Variants in KLHL3 observed in about 807,000 individuals in gnomAD.
The protein encoded by KLHL3 is kelch-like protein 3.
KLHL3 carries 19 observed loss-of-function variants against 70.5 expected under a neutral mutation model. That is an observed-to-expected ratio of 0.27 (90% confidence interval 0.19 to 0.40). KLHL3 has a LOEUF of 0.40. Ranked by LOEUF, KLHL3 falls within the 10% of genes least tolerant of loss-of-function variation. The pLI is 1.00. For synonymous variants in KLHL3, 258 were observed against 290.3 expected (o/e 0.89, Z 1.13); for missense variants, 512 against 771.1 (o/e 0.66, Z 3.98).
intron 11 of KLHL3, 77 bp from the exon 12 acceptor site, chr5:137,634,242 C>CA: frequency 6.7e-7 from 1 of 1,484,392 alleles, no homozygotes; most frequent in Non-Finnish European, 9.0e-7. Context: ...ACCCTATCTG[C>CA]AACCAACTGG....
Position 137,639,088 on chromosome 5 carries a change from G to C in KLHL3, c.1084C>G (p.Arg362Gly). Residue 362 changes from arginine (R) to glycine (G), a missense_variant, in exon 10 of 15, where the codon CGG becomes GGG. Arg to Gly is a moderately radical substitution (Grantham distance 125). Transcript: ENST00000309755. The surrounding 1 kb of genome is among the most constrained non-coding windows in gnomAD (Gnocchi z 5.0). ...VGGFNGSLRVRTVDVYDGVKD... is the reference protein window; with the variant it reads ...VGGFNGSLRVGTVDVYDGVKD... Reference sequence around the variant, plus strand: ...ACGCCGTCATACACATCCACTGTCCGCACCCGCAGTGAGCCATTAAACCCT... The same window carrying C: ...ACGCCGTCATACACATCCACTGTCCCCACCCGCAGTGAGCCATTAAACCCT... 1.2e-6 allele frequency: 2 copies of C among 1,614,046 alleles called. No individual in the cohort carries two copies. The highest frequency in any genetic ancestry group is 1.7e-6 in the Non-Finnish European group (2 of 1,179,988).
At chr5:137,636,003 T>C (rs536282554) in intron 11 of KLHL3, among the ~76,000 whole-genome samples, 1 of 152,310 alleles carries the variant, frequency 6.6e-6, no homozygotes, top group South Asian at 2.1e-4. Context: ...CTCTATTGTT[T>C]GATATTCCTG....
At chr5:137,727,151 A>G (rs1271356768) in intron 1 of KLHL3, among the ~76,000 whole-genome samples, 3 of 151,988 alleles carry the variant, frequency 2.0e-5, no homozygotes, top group Non-Finnish European at 4.4e-5. Context: ...TGTATTCTCT[A>G]TCTCAGAGGC....
Position 137,709,841 on chromosome 5 carries a change from A to G in KLHL3, c.150T>C (p.Cys50=). Residue 50 remains cysteine (C), a synonymous_variant, in exon 3 of 15, where the codon TGT becomes TGC. Coordinates refer to ENST00000309755, the MANE Select transcript of KLHL3 (RefSeq NM_017415.3). ...CATCTTCTGCCACAATCATCACGTCACACAACAGCTGTTTACTGTAAGACA... is the reference window on the plus strand; with the variant it reads ...CATCTTCTGCCACAATCATCACGTCGCACAACAGCTGTTTACTGTAAGACA... The part of the protein sequence containing the change: ...MNELRSKQLL[C]DVMIVAEDVE... The G allele has an allele frequency of 6.2e-7, 1 of 1,614,054 alleles. No individual in the cohort carries two copies. The highest frequency in any genetic ancestry group is 2.2e-5 in the East Asian group (1 of 44,880).
In KLHL3 at chr5:137,684,052, G is replaced by A. The variant is rs149446187; in HGVS notation, c.527-6398C>T. ...GAAAATAGGCTAGGCTGGTCTGGGT[G>A]GGTGGGAAATAAGTAGCGGGGCTTA... On this transcript the variant is annotated intron_variant, in intron 5 of 14. Transcript: ENST00000309755. Among the ~76,000 whole-genome samples the A allele has an allele frequency of 1.4e-4, 22 of 152,296 alleles. No individual in the cohort carries two copies. In the East Asian group the frequency reaches 4.2e-3, roughly 29 times the overall value.
chr5:137,693,362 A>C (rs1165059002), intron 4 of KLHL3, among the ~76,000 whole-genome samples: 2 of 152,194 alleles, frequency 1.3e-5, no homozygotes, highest in Non-Finnish European at 2.9e-5. Flanking sequence ...AAAGACAGAA[A>C]TAGTTCTTGC....
chr5:137,622,275 T>A, intron 14 of KLHL3, 149 bp from the exon 15 acceptor site: 1 of 942,070 alleles, frequency 1.1e-6, no homozygotes, highest in Non-Finnish European at 1.6e-6. Flanking sequence ...CTCAGGCTGC[T>A]AGCAGCTGGC....
intron 2 of KLHL3, among the ~76,000 whole-genome samples, chr5:137,717,044 T>A (rs1175246845): frequency 6.6e-6 from 1 of 152,236 alleles, no homozygotes; most frequent in Non-Finnish European, 1.5e-5. Context: ...TTAGACAAGA[T>A]CTGCCAGGGG....
At chr5:137,685,067 C>G (rs1413945417) in intron 5 of KLHL3, among the ~76,000 whole-genome samples, 1 of 152,142 alleles carries the variant, frequency 6.6e-6, no homozygotes, top group Admixed American at 6.6e-5. Flanking sequence ...GCTGGAAAAG[C>G]CGAGGACCTA....
At chr5:137,646,896 G>A (rs1338153819) in intron 8 of KLHL3, among the ~76,000 whole-genome samples, 1 of 152,170 alleles carries the variant, frequency 6.6e-6, no homozygotes, top group Non-Finnish European at 1.5e-5. Context: ...GAACAATTAT[G>A]CTAGACTGAA....
chr5:137,639,245 A>C lies in KLHL3; in HGVS notation c.1022-95T>G. 1 of 1,190,162 alleles carries C rather than the reference A, an allele frequency of 8.4e-7. No homozygotes were observed. Among genetic ancestry groups the C allele is most frequent in the Non-Finnish European group, 1.2e-6 (1 of 828,162 alleles). The allele number at this position is 1,190,162 out of a possible 1,614,324, so 73.7% of individuals were successfully genotyped here. On this transcript the variant is annotated intron_variant, in intron 9 of 14. Coordinates refer to ENST00000309755, the MANE Select transcript of KLHL3 (RefSeq NM_017415.3). The surrounding 1 kb of genome is among the most constrained non-coding windows in gnomAD (Gnocchi z 5.0). The stretch of plus-strand genomic sequence containing the variant: ...TGGAGGAGCAAGACAGACACAGGAA[A>C]AGTCGCCACCGAAGATACTTTAGGT...
chr5:137,685,042 C>T (rs893939712), intron 5 of KLHL3, among the ~76,000 whole-genome samples: 1 of 152,202 alleles, frequency 6.6e-6, no homozygotes, highest in African/African-American at 2.4e-5. Context: ...TCAGCCCCCA[C>T]AAAGTTGTGC....
intron 2 of KLHL3, among the ~76,000 whole-genome samples, chr5:137,714,932 T>C (rs892338693): frequency 4.6e-5 from 7 of 152,008 alleles, no homozygotes; most frequent in African/African-American, 1.7e-4. Context: ...AAATGGGAGA[T>C]TAAAATTGTC....
Position 137,637,414 on chromosome 5 carries a change from A to G in KLHL3, c.1220-19T>C. On this transcript the variant is annotated intron_variant, in intron 10 of 14. Coordinates refer to ENST00000309755, the MANE Select transcript of KLHL3 (RefSeq NM_017415.3). ...GCTAGGCCTGGGAGACAAGAGACTCATGAGACTTCCGTGGCACCAGGCCTC... is the reference window on the plus strand; with the variant it reads ...GCTAGGCCTGGGAGACAAGAGACTCGTGAGACTTCCGTGGCACCAGGCCTC... The G allele has an allele frequency of 6.2e-7, 1 of 1,608,360 alleles. No homozygotes were observed. Among genetic ancestry groups the G allele is most frequent in the Non-Finnish European group, 8.5e-7 (1 of 1,174,888 alleles).
At chr5:137,681,498 G>A (rs1006494030) in intron 5 of KLHL3, among the ~76,000 whole-genome samples, 1 of 152,168 alleles carries the variant, frequency 6.6e-6, no homozygotes, top group African/African-American at 2.4e-5. Context: ...AGTCTAGCTA[G>A]AACCTAGGTG....
intron 3 of KLHL3, chr5:137,705,881 G>T: frequency 2.5e-6 from 1 of 404,598 alleles, no homozygotes; most frequent in African/African-American, 2.2e-5. Context: ...TGGGGAATGA[G>T]TCCTAGACAT....
Position 137,709,703 on chromosome 5 carries a change from G to C in KLHL3, c.241+47C>G, listed in dbSNP as rs775946346. 19 of 1,446,912 alleles carry C rather than the reference G, an allele frequency of 1.3e-5. 1 individual carries two copies. The South Asian group carries it at 2.1e-4, about 16-fold the overall frequency. 89.6% of individuals were successfully genotyped at this position (1,446,912 alleles called of 1,614,324 possible). A position where few individuals can be genotyped will look rare whatever the true frequency, so the allele number is the denominator to read the frequency against. Reference sequence around the variant, plus strand: ...CACCACCCCCAACATTCTCCCAGTGGGGCTGCAGCCCCATAACCATGGGTT... The same window carrying C: ...CACCACCCCCAACATTCTCCCAGTGCGGCTGCAGCCCCATAACCATGGGTT... On this transcript the variant is annotated intron_variant, in intron 3 of 14. Transcript: ENST00000309755.
At chr5:137,714,635 G>A (rs1003397194) in intron 2 of KLHL3, among the ~76,000 whole-genome samples, 12 of 152,170 alleles carry the variant, frequency 7.9e-5, no homozygotes, top group African/African-American at 2.9e-4. Flanking sequence ...TGGTGGTAAG[G>A]ATGGGGTAAA....
At chr5:137,674,839 G>A (rs56015773) in intron 6 of KLHL3, among the ~76,000 whole-genome samples, 8,122 of 152,276 alleles carry the variant, frequency 0.053, 312 homozygotes, top group Non-Finnish European at 0.078. Flanking sequence ...ATTAAAGGGC[G>A]TAGAAATCAC....
Sources: gnomAD v4.1 joint callset for allele counts (sites outside exome capture counted in the v4.1 genomes callset) on GRCh38, gnomAD v4.1.1 for gene constraint, Gnocchi (gnomAD v3.1) non-coding constraint, MANE v1.5 for transcripts, NCBI Gene and HGNC (gene_info 2026-07-23, HGNC 2026-07-21) for gene names.